GALNT13: variants seen among roughly 807,000 people sequenced by gnomAD.
The protein encoded by GALNT13 is polypeptide N-acetylgalactosaminyltransferase 13.
Under a neutral mutation model 64.2 loss-of-function variants are expected in GALNT13, and 28 were observed. The observed-to-expected ratio is 0.44, with a 90% CI of 0.32 to 0.60. The LOEUF (loss-of-function observed/expected upper bound fraction) is 0.60, where lower values mean the gene tolerates loss of function less well. Ranked by LOEUF, GALNT13 falls within the 20% of genes least tolerant of loss-of-function variation. The pLI is 0.05. For missense variants in GALNT13, 577 were observed against 669.8 expected (o/e 0.86, Z 1.53); for synonymous variants, 214 against 224.6 (o/e 0.95, Z 0.42).
the GALNT13 span, among the ~76,000 whole-genome samples, chr2:153,163,045 A>C: frequency 2.2e-4 from 34 of 152,290 alleles, no homozygotes; most frequent in Non-Finnish European, 4.9e-4. Flanking sequence ...AAAAACATTT[A>C]ATCTAAAACA....
At chr2:153,503,435 T>G in the GALNT13 span, among the ~76,000 whole-genome samples, 1 of 152,146 alleles carries the variant, frequency 6.6e-6, no homozygotes, top group Non-Finnish European at 1.5e-5. Context: ...GTGCCTATTT[T>G]TTTTTTAAAT....
the GALNT13 span, among the ~76,000 whole-genome samples, chr2:153,257,966 T>G: frequency 6.6e-6 from 1 of 152,254 alleles, no homozygotes; most frequent in East Asian, 1.9e-4. Context: ...TCCTGACCTG[T>G]GGTAAGTAAA....
the GALNT13 span, among the ~76,000 whole-genome samples, chr2:153,300,230 G>A: frequency 3.3e-5 from 5 of 152,176 alleles, no homozygotes; most frequent in Admixed American, 6.5e-5. Flanking sequence ...ATTAACATGG[G>A]TAGGTTCCCC....
the GALNT13 span, among the ~76,000 whole-genome samples, chr2:153,365,495 C>T: frequency 1.3e-5 from 2 of 152,232 alleles, no homozygotes; most frequent in East Asian, 3.9e-4. Flanking sequence ...ATCTACCCAT[C>T]TGACAAAGGT....
the GALNT13 span, among the ~76,000 whole-genome samples, chr2:153,423,129 TATAACAA>T: frequency 6.6e-6 from 1 of 151,844 alleles, no homozygotes; most frequent in Non-Finnish European, 1.5e-5. Context: ...TATTACCAAA[TATAACAA>T]AGAAAAACAT....
chr2:154,279,955 T>C (rs887408792), intron 8 of GALNT13, among the ~76,000 whole-genome samples: 1 of 151,924 alleles, frequency 6.6e-6, no homozygotes, highest in African/African-American at 2.4e-5. Flanking sequence ...AAAAAGTGCC[T>C]GTAAGATGAG....
chr2:153,222,309 G>GGGGCGGGGGGC, the GALNT13 span, among the ~76,000 whole-genome samples: 1 of 119,420 alleles, frequency 8.4e-6, no homozygotes, highest in African/African-American at 3.3e-5. Context: ...AGTCTGGCTG[G>GGGGCGGGGGGC]GGGGGGGGGG....
intron 4 of GALNT13, among the ~76,000 whole-genome samples, chr2:154,200,454 A>G (rs1255709144): frequency 1.3e-5 from 2 of 152,274 alleles, no homozygotes; most frequent in South Asian, 2.1e-4. Context: ...TTGTAAAGCT[A>G]TAACAAAATA....
chr2:153,758,709 C>T, the GALNT13 span, among the ~76,000 whole-genome samples: 1 of 152,114 alleles, frequency 6.6e-6, no homozygotes, highest in Non-Finnish European at 1.5e-5. Flanking sequence ...TCTGGTGCCT[C>T]AGTGTCCCAG....
intron 12 of GALNT13, among the ~76,000 whole-genome samples, chr2:154,445,207 T>C (rs1026087759): frequency 6.6e-6 from 1 of 152,042 alleles, no homozygotes; most frequent in Admixed American, 6.6e-5. Context: ...GACTATTTTT[T>C]CATGGCCATT....
chr2:153,698,314 C>T, the GALNT13 span, among the ~76,000 whole-genome samples: 23 of 152,112 alleles, frequency 1.5e-4, no homozygotes, highest in South Asian at 1.2e-3. Flanking sequence ...TGGATAAAGA[C>T]TCAAGACCCA....
the GALNT13 span, among the ~76,000 whole-genome samples, chr2:153,188,107 T>C: frequency 6.6e-6 from 1 of 152,040 alleles, no homozygotes; most frequent in Non-Finnish European, 1.5e-5. Flanking sequence ...TCATATTTAC[T>C]GGTGAAATAG....
chr2:153,903,588 C>T (rs891005523), intron 2 of GALNT13, among the ~76,000 whole-genome samples: 2 of 151,906 alleles, frequency 1.3e-5, no homozygotes, highest in African/African-American at 2.4e-5. Context: ...GTGCGTCAGC[C>T]TCTGTACCTT....
chr2:154,053,143 A>G (rs1699729101), intron 3 of GALNT13, among the ~76,000 whole-genome samples: 1 of 152,192 alleles, frequency 6.6e-6, no homozygotes, highest in Non-Finnish European at 1.5e-5. Context: ...CTTAGTTCTT[A>G]AAGATATCTG....
the GALNT13 span, among the ~76,000 whole-genome samples, chr2:153,594,237 A>C: frequency 6.6e-6 from 1 of 152,104 alleles, no homozygotes; most frequent in Non-Finnish European, 1.5e-5. Context: ...TATAAGCCAC[A>C]ATTTTGCTCA....
the GALNT13 span, chr2:153,172,024 G>A: frequency 6.6e-6 from 1 of 152,176 alleles, no homozygotes; most frequent in Admixed American, 6.5e-5. Context: ...TGAAAGGAGT[G>A]GGGAGCATAC....
intron 9 of GALNT13, among the ~76,000 whole-genome samples, chr2:154,340,943 G>A (rs1695729858): frequency 6.6e-6 from 1 of 151,896 alleles, no homozygotes; most frequent in Non-Finnish European, 1.5e-5. Context: ...GCGCACGCCT[G>A]TATGTGTGTG....
intron 3 of GALNT13, among the ~76,000 whole-genome samples, chr2:153,976,124 G>A (rs966722281): frequency 2.0e-5 from 3 of 151,920 alleles, no homozygotes; most frequent in East Asian, 1.9e-4. Context: ...TTTGTCTTAC[G>A]TATGTATGTG....
intron 1 of GALNT13, among the ~76,000 whole-genome samples, chr2:153,880,790 A>G (rs544138720): frequency 6.6e-6 from 1 of 151,944 alleles, no homozygotes; most frequent in East Asian, 2.0e-4. Flanking sequence ...TAAATACTGT[A>G]TTTATTATTT....
Sources: allele counts gnomAD v4.1 joint callset (sites outside exome capture counted in the v4.1 genomes callset), GRCh38; gene constraint gnomAD v4.1.1; transcripts MANE v1.5; gene names NCBI Gene and HGNC (gene_info 2026-07-23, HGNC 2026-07-21).